Variants in CEP170 observed in about 807,000 individuals in gnomAD.
The protein encoded by CEP170 is centrosomal protein 170.
In CEP170, 21 loss-of-function variants were observed where a neutral mutation model predicts 151.9. That is an observed-to-expected ratio of 0.14 (90% CI 0.10 to 0.20). The LOEUF (loss-of-function observed/expected upper bound fraction) is 0.20. Among genes scored for constraint, CEP170 ranks in the 10% least tolerant of loss-of-function variants. The pLI is 1.00. For missense variants in CEP170, 964 were observed against 1,892.9 expected (o/e 0.51, Z 9.11); for synonymous variants, 356 against 648.8 (o/e 0.55, Z 6.86).
chr1:243,200,134 G>A (rs2060928529), intron 6 of CEP170, among the ~76,000 whole-genome samples: 1 of 151,804 alleles, frequency 6.6e-6, no homozygotes, highest in Non-Finnish European at 1.5e-5. Context: ...TATTATAAGT[G>A]ATCTAGAGAT....
At chr1:243,223,306 T>C (rs1281931826) in intron 2 of CEP170, among the ~76,000 whole-genome samples, 1 of 152,144 alleles carries the variant, frequency 6.6e-6, no homozygotes, top group Non-Finnish European at 1.5e-5. Flanking sequence ...GAAAAAAATC[T>C]AAATTAGAGT....
Position 243,191,149 on chromosome 1 carries a change from A to G in CEP170, c.977T>C (p.Met326Thr), listed in dbSNP as rs1209870853. The change falls in exon 8 of 20, where the codon ATG becomes ACG. Residue 326 changes from methionine (M) to threonine (T), a missense_variant. Met to Thr is a moderately conservative substitution (Grantham distance 81, BLOSUM62 -1). Coordinates refer to ENST00000366542, the MANE Select transcript of CEP170 (RefSeq NM_014812.3). ...TQDLLGIQTG[M>T]MAPENKVADW... is the part of the protein sequence containing the mutation. ...AGCAACTTTGTTTTCGGGTGCCATCATTCCTGTTTGAATCCCCAGCAAGTC... is the reference window on the plus strand; with the variant it reads ...AGCAACTTTGTTTTCGGGTGCCATCGTTCCTGTTTGAATCCCCAGCAAGTC... 6.2e-6 allele frequency: 10 copies of G among 1,613,022 alleles called. No individual in the cohort carries two copies. The Admixed American group carries it at 1.5e-4, about 24-fold the overall frequency.
At chr1:243,204,626 G>T (rs1027883700) in intron 4 of CEP170, among the ~76,000 whole-genome samples, 2 of 152,074 alleles carry the variant, frequency 1.3e-5, no homozygotes, top group Non-Finnish European at 1.5e-5. Context: ...CACATTAGTG[G>T]TTTCTCCTTA....
At chr1:243,249,418 A>AAATAAAT (rs1340634710) in intron 1 of CEP170, among the ~76,000 whole-genome samples, 1 of 148,306 alleles carries the variant, frequency 6.7e-6, no homozygotes, top group African/African-American at 2.5e-5. Context: ...ACTCTGTCTC[A>AAATAAAT]AAATAAATAA....
chr1:243,159,040 C>T (rs909989515), intron 13 of CEP170, among the ~76,000 whole-genome samples: 8 of 151,984 alleles, frequency 5.3e-5, no homozygotes, highest in Admixed American at 3.9e-4. Flanking sequence ...GCACTGTGGC[C>T]TGGTGACAGA....
intron 14 of CEP170, among the ~76,000 whole-genome samples, chr1:243,151,473 G>C (rs1035627641): frequency 6.6e-6 from 1 of 151,562 alleles, no homozygotes; most frequent in Non-Finnish European, 1.5e-5. Context: ...ATATGGACAA[G>C]GTCTGAGTGG....
chr1:243,196,606 G>A (rs1413830815), intron 7 of CEP170, among the ~76,000 whole-genome samples: 2 of 151,982 alleles, frequency 1.3e-5, no homozygotes, highest in Admixed American at 1.3e-4. Flanking sequence ...AAATTTTAAC[G>A]GCAAGATAAA....
intron 3 of CEP170, among the ~76,000 whole-genome samples, chr1:243,218,366 C>CA (rs2062495485): frequency 6.6e-6 from 1 of 152,212 alleles, no homozygotes; most frequent in Admixed American, 6.5e-5. Flanking sequence ...ACCAGAGGGG[C>CA]AAGGGCCCCA....
intron 1 of CEP170, among the ~76,000 whole-genome samples, chr1:243,236,311 T>G (rs919890635): frequency 3.9e-5 from 6 of 152,216 alleles, no homozygotes; most frequent in Admixed American, 3.3e-4. Context: ...TAAATATACC[T>G]CGAAATGATG....
intron 3 of CEP170, chr1:243,221,460 T>A: frequency 2.4e-6 from 1 of 414,908 alleles, no homozygotes; most frequent in Non-Finnish European, 4.2e-6. Flanking sequence ...AAGCTTAGGT[T>A]CCAACTCCTT....
chr1:243,226,633 A>G (rs938904547), intron 1 of CEP170, among the ~76,000 whole-genome samples: 3 of 152,196 alleles, frequency 2.0e-5, no homozygotes, highest in African/African-American at 7.2e-5. Flanking sequence ...AATTTCTTGA[A>G]GGTTTTTTGC....
intron 10 of CEP170, among the ~76,000 whole-genome samples, chr1:243,173,506 C>A (rs150958806): frequency 4.6e-5 from 7 of 151,562 alleles, no homozygotes; most frequent in Admixed American, 4.6e-4. Flanking sequence ...GAGGCCGAGG[C>A]GAGCAGATCA....
At chr1:243,252,072 G>A (rs994387607) in intron 1 of CEP170, among the ~76,000 whole-genome samples, 1 of 152,072 alleles carries the variant, frequency 6.6e-6, no homozygotes, top group African/African-American at 2.4e-5. Flanking sequence ...GGTTATTAAT[G>A]AAATAAAGAT....
Position 243,236,730 on chromosome 1 carries a change from A to AT in CEP170, c.-41-11410_-41-11409insA, listed in dbSNP as rs565070201. On this transcript the variant is annotated intron_variant, in intron 1 of 19. Transcript: ENST00000366542. The stretch of plus-strand genomic sequence containing the variant: ...AAAAACTGTCAGATCATAGAGCACT[A>AT]GGAGCAGGAAAAGCCACACAAAGCT... Among the ~76,000 whole-genome samples the AT allele has an allele frequency of 2.9e-3, 445 of 152,326 alleles. 3 individuals are homozygous for AT. Among genetic ancestry groups the AT allele is most frequent in the Middle Eastern group, 0.01 (3 of 294 alleles).
intron 1 of CEP170, 68 bp downstream of exon 1, chr1:243,254,972 G>A (rs1405861331): frequency 6.6e-6 from 1 of 152,244 alleles, no homozygotes; most frequent in African/African-American, 2.4e-5. Context: ...GGAGCAGGAT[G>A]TGGAAAGCAG....
At chr1:243,195,080 A>G (rs185041004) in intron 7 of CEP170, among the ~76,000 whole-genome samples, 1 of 152,076 alleles carries the variant, frequency 6.6e-6, no homozygotes, top group Non-Finnish European at 1.5e-5. Context: ...GACTATAATT[A>G]TAACAGCTCA....
At chr1:243,222,044 A>G (rs1035935516) in intron 2 of CEP170, among the ~76,000 whole-genome samples, 2 of 151,988 alleles carry the variant, frequency 1.3e-5, no homozygotes, top group Admixed American at 6.5e-5. Context: ...CTAAATTCAC[A>G]TGTTCTATTA....
At chr1:243,243,530 A>ATTTT (rs2065064552) in intron 1 of CEP170, among the ~76,000 whole-genome samples, 1 of 150,818 alleles carries the variant, frequency 6.6e-6, no homozygotes, top group Non-Finnish European at 1.5e-5. Context: ...TTATTTATTT[A>ATTTT]TTTATTTTTT....
At chr1:243,213,856 GCT>G (rs2062026449) in intron 3 of CEP170, among the ~76,000 whole-genome samples, 1 of 152,136 alleles carries the variant, frequency 6.6e-6, no homozygotes. Flanking sequence ...GGGACTAGAG[GCT>G]TGTGCCACCA....
Sources: gnomAD v4.1 joint callset for allele counts (sites outside exome capture counted in the v4.1 genomes callset) on GRCh38, gnomAD v4.1.1 for gene constraint, MANE v1.5 for transcripts, NCBI Gene and HGNC (gene_info 2026-07-23, HGNC 2026-07-21) for gene names.